Variants in APPBP2 observed in about 807,000 individuals in gnomAD.
APPBP2 encodes the protein amyloid beta precursor protein binding protein 2, also known as amyloid protein-binding protein 2.
APPBP2 carries 15 observed loss-of-function variants against 76.0 expected under a neutral mutation model. That is an observed-to-expected ratio of 0.20 (90% CI 0.13 to 0.30). The LOEUF (loss-of-function observed/expected upper bound fraction) is 0.30, where lower values mean the gene tolerates loss of function less well. APPBP2 is among the 10% of genes least tolerant of loss of function. The pLI is 1.00. For synonymous variants in APPBP2, 222 were observed against 242.2 expected (o/e 0.92, Z 0.77); for missense variants, 401 against 687.2 (o/e 0.58, Z 4.66).
chr17:60,503,752 A>G (rs1459504802), intron 1 of APPBP2, among the ~76,000 whole-genome samples: 1 of 146,778 alleles, frequency 6.8e-6, no homozygotes, highest in Non-Finnish European at 1.5e-5. Flanking sequence ...AATAACTTCT[A>G]ATCTTTTATG....
At chr17:60,514,397 G>A (rs1598375839) in intron 1 of APPBP2, among the ~76,000 whole-genome samples, 1 of 152,108 alleles carries the variant, frequency 6.6e-6, no homozygotes, top group African/African-American at 2.4e-5. Flanking sequence ...CCTAATGCCA[G>A]GAATTCAAGA....
At chr17:60,505,604 C>T (rs947074168) in intron 1 of APPBP2, among the ~76,000 whole-genome samples, 1 of 150,866 alleles carries the variant, frequency 6.6e-6, no homozygotes, top group East Asian at 1.9e-4. Flanking sequence ...TGTGAGCCAT[C>T]GCGCCTGGCC....
In APPBP2 at chr17:60,444,825, G is replaced by A. The variant is rs1256443004; in HGVS notation, c.*2756C>T. On this transcript the variant is annotated 3_prime_UTR_variant, in exon 13 of 13. Coordinates refer to ENST00000083182, the MANE Select transcript of APPBP2 (RefSeq NM_006380.5). ...GCACCGAACTTTAGGAAAAGACTGG[G>A]TAGAAGAGTCAGAGAAGGATGAGAC... 3.3e-5 allele frequency: 5 copies of A among 152,614 alleles called. No individual in the cohort carries two copies. The highest frequency in any genetic ancestry group is 4.8e-5 in the African/African-American group (2 of 41,532). The allele number at this position is 152,614 out of a possible 1,614,324, so 9.5% of individuals were successfully genotyped here.
chr17:60,468,635 T>G (rs1396187356), intron 4 of APPBP2: 1 of 149,750 alleles, frequency 6.7e-6, no homozygotes, highest in Non-Finnish European at 1.5e-5. Flanking sequence ...AAGGGCAAAT[T>G]AAACATATGG....
chr17:60,505,904 G>A (rs988669708), intron 1 of APPBP2, among the ~76,000 whole-genome samples: 2 of 149,588 alleles, frequency 1.3e-5, no homozygotes, highest in Admixed American at 1.3e-4. Context: ...GGCTGTTCTC[G>A]AACTCCTGAC....
intron 11 of APPBP2, among the ~76,000 whole-genome samples, chr17:60,452,676 T>C (rs575022909): frequency 2.9e-4 from 44 of 152,164 alleles, no homozygotes; most frequent in African/African-American, 7.7e-4. Context: ...ATCCCAACAG[T>C]TTGGGAGGTC....
At chr17:60,480,383 C>G (rs896393069) in intron 3 of APPBP2, among the ~76,000 whole-genome samples, 23 of 152,064 alleles carry the variant, frequency 1.5e-4, no homozygotes, top group African/African-American at 5.3e-4. Context: ...TCTCAAACAA[C>G]AACAACAACA....
chr17:60,466,212 TAA>T lies in APPBP2; in HGVS notation c.672+77_672+78del, dbSNP rs2090509612. The stretch of plus-strand genomic sequence containing the variant: ...ATGTAAAAGAGATCTGTAAGAAAAA[TAA>T]GAGAAGACTATTTGATTTACCCTCT... On this transcript the variant is annotated intron_variant, in intron 5 of 12. Transcript: ENST00000083182. 8 of 1,336,572 alleles carry T rather than the reference TAA, an allele frequency of 6.0e-6. No individual in the cohort carries two copies. In the East Asian group the frequency reaches 1.4e-4, roughly 23 times the overall value. The allele number at this position is 1,336,572 out of a possible 1,614,324, so 82.8% of individuals were successfully genotyped here. A position where few individuals can be genotyped will look rare whatever the true frequency, so the allele number is the denominator to read the frequency against.
At chr17:60,453,078 A>G (rs1322920450) in intron 11 of APPBP2, among the ~76,000 whole-genome samples, 1 of 152,230 alleles carries the variant, frequency 6.6e-6, no homozygotes, top group East Asian at 1.9e-4. Flanking sequence ...TATACTTAGT[A>G]TATACTAAGA....
chr17:60,443,162 G>C lies in APPBP2; in HGVS notation c.*4419C>G, dbSNP rs983754063. On this transcript the variant is annotated 3_prime_UTR_variant, in exon 13 of 13. Transcript: ENST00000083182. ...TGGAAACAGATACACTATGAATGCAGGAACACTATATTTATTAGGTCAATA... is the reference window on the plus strand; with the variant it reads ...TGGAAACAGATACACTATGAATGCACGAACACTATATTTATTAGGTCAATA... 6.6e-6 allele frequency: 1 copy of C among 152,576 alleles called. No homozygotes were observed. The highest frequency in any genetic ancestry group is 2.4e-5 in the African/African-American group (1 of 41,424). 9.5% of individuals were successfully genotyped at this position (152,576 alleles called of 1,614,324 possible). A position where few individuals can be genotyped will look rare whatever the true frequency, so the allele number is the denominator to read the frequency against.
intron 2 of APPBP2, among the ~76,000 whole-genome samples, chr17:60,495,414 AT>A (rs2090766113): frequency 3.4e-5 from 5 of 148,536 alleles, no homozygotes; most frequent in African/African-American, 1.0e-4. Context: ...ACCCAATAGA[AT>A]TTTTAAAAAT....
chr17:60,454,957 C>T (rs911234890), intron 10 of APPBP2, among the ~76,000 whole-genome samples: 8 of 152,282 alleles, frequency 5.3e-5, no homozygotes, highest in African/African-American at 1.7e-4. Flanking sequence ...CCAACCAAAT[C>T]AGGCAAGACA....
At chr17:60,486,217 T>A (rs1426565647) in intron 3 of APPBP2, among the ~76,000 whole-genome samples, 1 of 152,228 alleles carries the variant, frequency 6.6e-6, no homozygotes, top group Non-Finnish European at 1.5e-5. Flanking sequence ...TTAGGTCTGC[T>A]TGGTGCAGAA....
At chr17:60,448,641 G>A (rs140105616) in intron 12 of APPBP2, among the ~76,000 whole-genome samples, 2 of 152,292 alleles carry the variant, frequency 1.3e-5, no homozygotes, top group African/African-American at 4.8e-5. Context: ...AAATTTCTGG[G>A]CTCTCTGTAA....
At chr17:60,495,714 T>C (rs893086825) in intron 2 of APPBP2, among the ~76,000 whole-genome samples, 2 of 152,100 alleles carry the variant, frequency 1.3e-5, no homozygotes, top group Admixed American at 1.3e-4. Context: ...TAAAATGATA[T>C]GGCTGCTGTG....
chr17:60,448,564 T>A (rs1442018579), intron 12 of APPBP2, among the ~76,000 whole-genome samples: 1 of 152,140 alleles, frequency 6.6e-6, no homozygotes, highest in East Asian at 1.9e-4. Context: ...CAAAAACACG[T>A]AGAATAGTTT....
intron 1 of APPBP2, among the ~76,000 whole-genome samples, chr17:60,521,978 C>A (rs1413124848): frequency 3.9e-5 from 6 of 152,130 alleles, no homozygotes; most frequent in Admixed American, 3.9e-4. Flanking sequence ...AGCCTAAGAA[C>A]AATAGGCTAT....
chr17:60,481,160 C>T (rs2090625348), intron 3 of APPBP2, among the ~76,000 whole-genome samples: 1 of 152,162 alleles, frequency 6.6e-6, no homozygotes, highest in African/African-American at 2.4e-5. Flanking sequence ...CCTCCAACTC[C>T]TACTTTTTAA....
chr17:60,525,242 A>G (rs139861135), intron 1 of APPBP2, among the ~76,000 whole-genome samples: 7 of 152,376 alleles, frequency 4.6e-5, no homozygotes, highest in African/African-American at 1.4e-4. Flanking sequence ...GCTTTAAAGA[A>G]TATGCAAATA....
Sources: gnomAD v4.1 joint callset for allele counts (sites outside exome capture counted in the v4.1 genomes callset) on GRCh38, gnomAD v4.1.1 for gene constraint, MANE v1.5 for transcripts, NCBI Gene and HGNC (gene_info 2026-07-23, HGNC 2026-07-21) for gene names.